BRWD1: variants seen among roughly 807,000 people sequenced by gnomAD.
The protein encoded by BRWD1 is bromodomain and WD repeat domain containing 1, also known as bromodomain and WD repeat-containing protein 1.
In BRWD1, 82 loss-of-function variants were observed where a neutral mutation model predicts 251.2. The ratio of observed to expected loss-of-function variants is 0.33; its 90% CI spans 0.27 to 0.39. The LOEUF (loss-of-function observed/expected upper bound fraction) is 0.39. BRWD1 is among the 10% of genes least tolerant of loss of function. BRWD1 has a pLI of 1.00. For synonymous variants in BRWD1, 918 were observed against 902.8 expected (o/e 1.02, Z -0.30); for missense variants, 2,233 against 2,711.6 (o/e 0.82, Z 3.92).
chr21:39,219,236 C>T (rs1028656669), intron 29 of BRWD1, among the ~76,000 whole-genome samples: 3 of 152,076 alleles, frequency 2.0e-5, no homozygotes, highest in African/African-American at 4.8e-5. Flanking sequence ...GCCTGGCCAA[C>T]GTGGCAAAAC....
In BRWD1 at chr21:39,193,870, CT is replaced by C. The variant is rs2031678513; in HGVS notation, c.*2388del. The C allele has an allele frequency of 1.0e-6, 1 of 985,198 alleles. No homozygotes were observed. Among genetic ancestry groups the C allele is most frequent in the Non-Finnish European group, 1.2e-6 (1 of 829,582 alleles). The allele number at this position is 985,198 out of a possible 1,614,324, so 61.0% of individuals were successfully genotyped here. The stretch of plus-strand genomic sequence containing the variant: ...GATTTATTAATTTTCCTTAAAGGTA[CT>C]TAGGAGTGTGTGTGTCACATATTCA... On this transcript the variant is annotated 3_prime_UTR_variant, in exon 41 of 41. Coordinates refer to ENST00000342449, the MANE Select transcript of BRWD1 (RefSeq NM_033656.4).
chr21:39,271,584 C>T (rs1399543178), intron 13 of BRWD1, among the ~76,000 whole-genome samples: 1 of 148,806 alleles, frequency 6.7e-6, no homozygotes. Context: ...GTAGTCCCTA[C>T]TACTCGGGAG....
intron 13 of BRWD1, among the ~76,000 whole-genome samples, chr21:39,271,314 C>G (rs2035093799): frequency 6.6e-6 from 1 of 150,922 alleles, no homozygotes; most frequent in Non-Finnish European, 1.5e-5. Flanking sequence ...AAGTGATATG[C>G]AAAGGGTCTC....
At chr21:39,292,123 G>A (rs990818105) in intron 8 of BRWD1, among the ~76,000 whole-genome samples, 1 of 50,880 alleles carries the variant, frequency 2.0e-5, no homozygotes, top group African/African-American at 6.5e-5. Context: ...TGTGGGGGGT[G>A]GGTGGGGGTG....
At chr21:39,221,000 CA>C (rs1285521070) in intron 29 of BRWD1, among the ~76,000 whole-genome samples, 1 of 151,746 alleles carries the variant, frequency 6.6e-6, no homozygotes, top group Admixed American at 6.6e-5. Context: ...ACTAAAAATA[CA>C]AAAACTAGCC....
intron 15 of BRWD1, among the ~76,000 whole-genome samples, chr21:39,268,256 T>C (rs1300822646): frequency 6.6e-6 from 1 of 152,038 alleles, no homozygotes; most frequent in African/African-American, 2.4e-5. Context: ...CTGGCCAAGA[T>C]GGTGAAACCC....
intron 4 of BRWD1, among the ~76,000 whole-genome samples, chr21:39,312,001 T>C (rs1239251944): frequency 6.6e-6 from 1 of 152,222 alleles, no homozygotes; most frequent in Non-Finnish European, 1.5e-5. Flanking sequence ...ATGCTGAATA[T>C]GGCCTGGCAA....
At position 39,258,923 on chromosome 21, in the gene BRWD1, A is replaced by C. The variant is rs2034649416; in HGVS notation, c.1886-251T>G. 2.0e-5 allele frequency among the ~76,000 whole-genome samples: 3 copies of C among 152,316 alleles called. No homozygotes were observed. The South Asian group carries it at 6.2e-4, about 32-fold the overall frequency. The stretch of plus-strand genomic sequence containing the variant: ...AGCCTCTGAAATTCCTGCAAGTGGA[A>C]GCATGGAAACATATTTCTGTAAAAC... On this transcript the variant is annotated intron_variant, in intron 17 of 40. Transcript: ENST00000342449.
chr21:39,223,900 T>C (rs1280173035), intron 29 of BRWD1, among the ~76,000 whole-genome samples: 1 of 152,130 alleles, frequency 6.6e-6, no homozygotes, highest in Non-Finnish European at 1.5e-5. Flanking sequence ...TAGGCTGGAG[T>C]GCAGTAGCCG....
chr21:39,314,598 A>G, upstream of BRWD1: 1 of 346,002 alleles, frequency 2.9e-6, no homozygotes, highest in Non-Finnish European at 5.7e-6. Flanking sequence ...CAGGCTTCTG[A>G]CCTAACTATG....
chr21:39,313,172 A>G, intron 2 of BRWD1, 69 bp downstream of exon 2: 1 of 1,493,264 alleles, frequency 6.7e-7, no homozygotes. Context: ...CCCGCCCACC[A>G]CCCGCGACCC....
At chr21:39,239,631 T>C (rs2033923410) in intron 21 of BRWD1, among the ~76,000 whole-genome samples, 1 of 152,198 alleles carries the variant, frequency 6.6e-6, no homozygotes, top group African/African-American at 2.4e-5. Context: ...TTCTTCAGTG[T>C]TGTGCTGGCT....
intron 4 of BRWD1, 66 bp downstream of exon 4, chr21:39,312,775 G>A: frequency 1.4e-6 from 2 of 1,383,436 alleles, no homozygotes; most frequent in East Asian, 2.7e-5. Flanking sequence ...GTCCCCGCGA[G>A]GGGAAGGGGC....
chr21:39,268,559 A>AT (rs2035000602), intron 15 of BRWD1, among the ~76,000 whole-genome samples: 1 of 152,162 alleles, frequency 6.6e-6, no homozygotes, highest in Admixed American at 6.6e-5. Flanking sequence ...TTAAAAAACT[A>AT]TAACAATCTA....
chr21:39,309,757 G>A (rs768735251), intron 4 of BRWD1, among the ~76,000 whole-genome samples: 11 of 150,420 alleles, frequency 7.3e-5, no homozygotes, highest in African/African-American at 2.0e-4. Flanking sequence ...TCCGGGAGGC[G>A]GAGCTTGCAG....
In BRWD1 at chr21:39,244,921, A is replaced by AATAT. The variant is rs56801824; in HGVS notation, c.2481+2776_2481+2779dup. Among the ~76,000 whole-genome samples the AATAT allele has an allele frequency of 4.3e-3, 488 of 112,550 alleles. 24 individuals carry two copies. Among genetic ancestry groups the AATAT allele is most frequent in the South Asian group, 0.017 (55 of 3,244 alleles). The allele number at this position is 112,550 out of a possible 152,430, so 73.8% of individuals were successfully genotyped here. A position where few individuals can be genotyped will look rare whatever the true frequency, so the allele number is the denominator to read the frequency against. On this transcript the variant is annotated intron_variant, in intron 21 of 40. Coordinates refer to ENST00000342449, the MANE Select transcript of BRWD1 (RefSeq NM_033656.4). ...AGTTACATATAGAAACTTTGGAAGAAATATATATATATATATATATATATG... is the reference window on the plus strand; with the variant it reads ...AGTTACATATAGAAACTTTGGAAGAAATATATATATATATATATATATATATATG...
chr21:39,282,914 G>A (rs10427502), intron 8 of BRWD1, among the ~76,000 whole-genome samples: 46,473 of 146,368 alleles, frequency 0.32, 7,738 homozygotes, highest in Middle Eastern at 0.41. Flanking sequence ...AGCTGAGATC[G>A]CACCACTGTA....
rs1043077246 is a variant in BRWD1 at position 39,298,207 on chromosome 21, T to C, written c.349+225A>G. The C allele has an allele frequency of 8.5e-6, 10 of 1,180,988 alleles. No homozygotes were observed. The African/African-American group carries it at 1.6e-4, about 19-fold the overall frequency. 73.2% of individuals were successfully genotyped at this position (1,180,988 alleles called of 1,614,324 possible). A position where few individuals can be genotyped will look rare whatever the true frequency, so the allele number is the denominator to read the frequency against. On this transcript the variant is annotated intron_variant, in intron 5 of 40. Coordinates refer to ENST00000342449, the MANE Select transcript of BRWD1 (RefSeq NM_033656.4). Reference sequence around the variant, plus strand: ...CATCTCAGAATAAATTCAAGCTTTTTAGCTTAACATCTATATCTTTATCAA... The same window carrying C: ...CATCTCAGAATAAATTCAAGCTTTTCAGCTTAACATCTATATCTTTATCAA...
Position 39,269,992 on chromosome 21 carries a change from A to T in BRWD1, c.1437T>A (p.Phe479Leu). 6.3e-7 allele frequency: 1 copy of T among 1,595,376 alleles called. No individual in the cohort carries two copies. Among genetic ancestry groups the T allele is most frequent in the Non-Finnish European group, 8.5e-7 (1 of 1,170,380 alleles). ...DEVFVLETHPFDSRIMLSAGH... is the reference protein window; with the variant it reads ...DEVFVLETHPLDSRIMLSAGH... ...CTGCAGATAACATAATTCTGGAATCAAAGGGATGTGTCTCCAGAACAAATA... is the reference window on the plus strand; with the variant it reads ...CTGCAGATAACATAATTCTGGAATCTAAGGGATGTGTCTCCAGAACAAATA... The change falls in exon 15 of 41, where the codon TTT becomes TTA. Residue 479 changes from phenylalanine (F) to leucine (L), a missense_variant. Physicochemically the swap from Phe to Leu is conservative, Grantham distance 22. Coordinates refer to ENST00000342449, the MANE Select transcript of BRWD1 (RefSeq NM_033656.4).
Sources: allele counts gnomAD v4.1 joint callset (sites outside exome capture counted in the v4.1 genomes callset), GRCh38; gene constraint gnomAD v4.1.1; transcripts MANE v1.5; gene names NCBI Gene and HGNC (gene_info 2026-07-23, HGNC 2026-07-21).